Variants in DNAJC6 observed in about 807,000 individuals in gnomAD.
The protein encoded by DNAJC6 is DnaJ heat shock protein family (Hsp40) member C6, also known as auxilin.
A neutral mutation model predicts 110.0 loss-of-function variants in DNAJC6; 34 were observed. That is an observed-to-expected ratio of 0.31 (90% CI 0.24 to 0.41). The LOEUF (loss-of-function observed/expected upper bound fraction) is 0.41, where lower values mean the gene tolerates loss of function less well. DNAJC6 is among the 10% of genes least tolerant of loss of function. The pLI is 1.00. For missense variants in DNAJC6, 1,031 were observed against 1,207.8 expected (o/e 0.85, Z 2.17); for synonymous variants, 406 against 437.2 (o/e 0.93, Z 0.89).
intron 4 of DNAJC6, among the ~76,000 whole-genome samples, chr1:65,368,660 CCTT>C: frequency 6.8e-6 from 1 of 148,096 alleles, no homozygotes; most frequent in Non-Finnish European, 1.5e-5. Flanking sequence ...CTCCCTTCCT[CCTT>C]CCTTCCTCTC....
intron 1 of DNAJC6, among the ~76,000 whole-genome samples, chr1:65,337,695 T>C (rs1645350659): frequency 6.6e-6 from 1 of 152,160 alleles, no homozygotes; most frequent in African/African-American, 2.4e-5. Flanking sequence ...TGTCTAGCAT[T>C]TACATTGCAA....
chr1:65,295,762 G>A (rs894219948), intron 1 of DNAJC6, among the ~76,000 whole-genome samples: 14 of 152,050 alleles, frequency 9.2e-5, no homozygotes, highest in Admixed American at 7.2e-4. Flanking sequence ...TAGTAAATGG[G>A]GTTTGTGTCG....
intron 4 of DNAJC6, among the ~76,000 whole-genome samples, chr1:65,370,405 A>T (rs2101569889): frequency 6.6e-6 from 1 of 152,270 alleles, no homozygotes; most frequent in South Asian, 2.1e-4. Context: ...CATCCACTCC[A>T]TGCATATGTG....
chr1:65,401,808 T>C lies in DNAJC6; in HGVS notation c.2155T>C (p.Ser719Pro). 1 of 1,613,932 alleles carries C rather than the reference T, an allele frequency of 6.2e-7. No individual in the cohort carries two copies. Among genetic ancestry groups the C allele is most frequent in the Non-Finnish European group, 8.5e-7 (1 of 1,179,962 alleles). ...SKSAATSPTG[S>P]SHGTPTHQSK... ...GTCAGCTGCCACCAGCCCAACCGGA[T>C]CCTCGCATGGTACTCCCACCCATCA... Residue 719 changes from serine to proline, a missense_variant, in exon 15 of 19, where the codon TCC (serine) becomes CCC (proline). Coordinates refer to ENST00000371069, the MANE Select transcript of DNAJC6 (RefSeq NM_001256864.2).
chr1:65,396,472 T>G (rs1366955575), intron 13 of DNAJC6, among the ~76,000 whole-genome samples: 4 of 152,196 alleles, frequency 2.6e-5, no homozygotes, highest in African/African-American at 4.8e-5. Flanking sequence ...GCATTCCAGC[T>G]GTACTGGCCT....
chr1:65,343,868 G>A (rs555248933), intron 1 of DNAJC6, among the ~76,000 whole-genome samples: 78 of 152,288 alleles, frequency 5.1e-4, no homozygotes, highest in African/African-American at 1.9e-3. Context: ...CATCTCAGAC[G>A]GCAAATGTTA....
chr1:65,388,264 C>G lies in DNAJC6; in HGVS notation c.1114-72C>G, dbSNP rs74813186. The stretch of plus-strand genomic sequence containing the variant: ...AAACAGTTGAAGGTGCATGTCTCCC[C>G]AAAATCTAATCTTTTGATCAGATTC... On this transcript the variant is annotated intron_variant, in intron 8 of 18. Coordinates refer to ENST00000371069, the MANE Select transcript of DNAJC6 (RefSeq NM_001256864.2). The G allele has an allele frequency of 2.2e-3, 3,058 of 1,399,996 alleles. 41 individuals are homozygous for G. The African/African-American group carries it at 0.039, about 18-fold the overall frequency. 86.7% of individuals were successfully genotyped at this position (1,399,996 alleles called of 1,614,324 possible).
At chr1:65,283,514 C>T (rs1223367476) in intron 1 of DNAJC6, among the ~76,000 whole-genome samples, 2 of 151,964 alleles carry the variant, frequency 1.3e-5, no homozygotes, top group Admixed American at 1.3e-4. Context: ...AGTAGTATTC[C>T]CTAAAATGGA....
chr1:65,378,864 G>A (rs1645791608), intron 4 of DNAJC6, among the ~76,000 whole-genome samples: 1 of 152,080 alleles, frequency 6.6e-6, no homozygotes, highest in Non-Finnish European at 1.5e-5. Flanking sequence ...TCCATAATGT[G>A]TGAAAAAAAT....
At chr1:65,321,561 A>G (rs973566106) in intron 1 of DNAJC6, among the ~76,000 whole-genome samples, 10 of 152,124 alleles carry the variant, frequency 6.6e-5, no homozygotes, top group African/African-American at 2.4e-4. Flanking sequence ...CAAAATTGAG[A>G]GGAAGGTACA....
At chr1:65,388,661 T>C (rs543979789) in intron 9 of DNAJC6, among the ~76,000 whole-genome samples, 1 of 152,338 alleles carries the variant, frequency 6.6e-6, no homozygotes, top group Non-Finnish European at 1.5e-5. Flanking sequence ...GGAATAAGGG[T>C]AAACAAAGCG....
At chr1:65,320,987 G>T (rs1206029865) in intron 1 of DNAJC6, among the ~76,000 whole-genome samples, 1 of 152,208 alleles carries the variant, frequency 6.6e-6, no homozygotes, top group East Asian at 1.9e-4. Flanking sequence ...TTTGTAGAAA[G>T]AAGTGTGTAC....
At chr1:65,381,156 A>G (rs1645818272) in intron 5 of DNAJC6, among the ~76,000 whole-genome samples, 1 of 151,456 alleles carries the variant, frequency 6.6e-6, no homozygotes, top group South Asian at 2.1e-4. Flanking sequence ...TGACCTCATG[A>G]TCTGCCCGCC....
chr1:65,369,510 G>C (rs1645685701), intron 4 of DNAJC6, among the ~76,000 whole-genome samples: 1 of 152,086 alleles, frequency 6.6e-6, no homozygotes, highest in Non-Finnish European at 1.5e-5. Flanking sequence ...AAATGTTGAT[G>C]GTAGAGTCTA....
Position 65,283,210 on chromosome 1 carries a change from A to G in DNAJC6, c.-131+18278A>G, listed in dbSNP as rs142421927. Among the ~76,000 whole-genome samples, 358 of 152,346 alleles carry G rather than the reference A, an allele frequency of 2.3e-3. 1 individual carries two copies. Among genetic ancestry groups the G allele is most frequent in the African/African-American group, 8.1e-3 (337 of 41,586 alleles). ...TGTTTGTAGCTCTATGCTATGTACT[A>G]TGTGAATACATGTAACCTTAACTAA... On this transcript the variant is annotated intron_variant, in intron 1 of 19. Transcript: ENST00000263441.
chr1:65,388,413 CAAGT>C lies in DNAJC6; in HGVS notation c.1193+4_1193+7del, dbSNP rs749993010. The C allele has an allele frequency of 6.2e-7, 1 of 1,613,714 alleles. No homozygotes were observed. The highest frequency in any genetic ancestry group is 1.7e-5 in the Admixed American group (1 of 60,012). ...TGGACACAACAGTTTTAAAGTTCAC[CAAGT>C]AAGTACTGGTTGGGCCAAAAGTCTA... On this transcript the variant is annotated splice_donor_variant and coding_sequence_variant, in exon 9 of 19. Transcript: ENST00000371069. LOFTEE classifies it high-confidence loss of function.
At chr1:65,376,901 C>T (rs1349942731) in intron 4 of DNAJC6, among the ~76,000 whole-genome samples, 1 of 152,180 alleles carries the variant, frequency 6.6e-6, no homozygotes, top group Non-Finnish European at 1.5e-5. Flanking sequence ...TCCTGAGTAG[C>T]TGGGATTACT....
intron 1 of DNAJC6, among the ~76,000 whole-genome samples, chr1:65,326,816 T>C (rs1645245725): frequency 6.6e-6 from 1 of 152,238 alleles, no homozygotes; most frequent in Admixed American, 6.5e-5. Flanking sequence ...TCAACGATCA[T>C]CTGTCTCTGA....
chr1:65,306,704 C>T (rs1645042100), upstream of DNAJC6, among the ~76,000 whole-genome samples: 1 of 152,172 alleles, frequency 6.6e-6, no homozygotes, highest in Admixed American at 6.5e-5. Context: ...ATGAAGTAGT[C>T]TTGAGTTTGG....
Sources: allele counts gnomAD v4.1 joint callset (sites outside exome capture counted in the v4.1 genomes callset), GRCh38; gene constraint gnomAD v4.1.1; transcripts MANE v1.5; gene names NCBI Gene and HGNC (gene_info 2026-07-23, HGNC 2026-07-21).